Variants in WDR75 observed in about 807,000 individuals in gnomAD.
The protein encoded by WDR75 is WD repeat domain 75, also known as WD repeat-containing protein 75.
WDR75 carries 52 observed loss-of-function variants against 106.1 expected under a neutral mutation model. That is an observed-to-expected ratio of 0.49 (90% CI 0.39 to 0.62). The LOEUF (loss-of-function observed/expected upper bound fraction) is 0.62, where lower values mean the gene tolerates loss of function less well. Ranked by LOEUF, WDR75 falls within the 20% of genes least tolerant of loss-of-function variation. The probability of loss-of-function intolerance (pLI) is 0.00; values close to 1 mark genes in which losing one functional copy is unlikely to be tolerated. For synonymous variants in WDR75, 333 were observed against 335.5 expected, an observed-to-expected ratio of 0.99 and a Z score of 0.08; for missense variants, 905 against 970.3, an observed-to-expected ratio of 0.93 and a Z score of 0.89.
intron 8 of WDR75, among the ~76,000 whole-genome samples, chr2:189,460,723 T>A (rs1450206876): frequency 2.6e-5 from 4 of 151,994 alleles, no homozygotes; most frequent in Non-Finnish European, 5.9e-5. Flanking sequence ...CAGGCTGGTC[T>A]CAAACTCCTG....
chr2:189,459,547 G>A, intron 8 of WDR75, 123 bp downstream of exon 8: 1 of 903,044 alleles, frequency 1.1e-6, no homozygotes, highest in South Asian at 1.5e-5. Context: ...AAACACTTGT[G>A]TGTTACCCCT....
In WDR75 at chr2:189,451,844, C is replaced by A; in HGVS notation, c.322C>A (p.Leu108Ile). ...ATGTAAACTTCATGCCCTCTTTACT[C>A]TTGCCCAAGCTGAGGATTCTGTCTT... ...VGCKLHALFT[L>I]AQAEDSVFVI... The change falls in exon 4 of 21, where the codon CTT becomes ATT. Residue 108 changes from leucine to isoleucine, a missense_variant. By Grantham distance (5) the Leu-to-Ile change is conservative (BLOSUM62 2). Transcript: ENST00000314761. 1 of 1,613,814 alleles carries A rather than the reference C, an allele frequency of 6.2e-7. No individual in the cohort carries two copies. Among genetic ancestry groups the A allele is most frequent in the Non-Finnish European group, 8.5e-7 (1 of 1,179,918 alleles).
intron 3 of WDR75, among the ~76,000 whole-genome samples, chr2:189,451,344 A>C (rs932778879): frequency 6.6e-6 from 1 of 152,252 alleles, no homozygotes; most frequent in South Asian, 2.1e-4. Flanking sequence ...AATCTAAATT[A>C]AAACAAATGA....
chr2:189,464,396 A>T (rs10497701), intron 11 of WDR75, among the ~76,000 whole-genome samples: 21,606 of 152,106 alleles, frequency 0.14, 1,970 homozygotes, highest in South Asian at 0.21. Context: ...TCCAATCCAG[A>T]TGTCCCACTT....
chr2:189,449,126 A>C (rs1323939422), intron 2 of WDR75: 3 of 635,796 alleles, frequency 4.7e-6, no homozygotes, highest in African/African-American at 1.9e-5. Context: ...AGTATTTAAG[A>C]ATAATGAAAT....
At chr2:189,470,493 A>G (rs1350007976) in intron 17 of WDR75, among the ~76,000 whole-genome samples, 1 of 152,086 alleles carries the variant, frequency 6.6e-6, no homozygotes, top group Non-Finnish European at 1.5e-5. Context: ...AGCAGAAGAC[A>G]ACTAAAATAC....
chr2:189,454,944 C>G (rs1686701850), intron 4 of WDR75, among the ~76,000 whole-genome samples: 1 of 152,042 alleles, frequency 6.6e-6, no homozygotes, highest in South Asian at 2.1e-4. Flanking sequence ...TTCTAGAGTA[C>G]TGATTAGCAG....
At chr2:189,472,927 A>T (rs1260903428) in intron 18 of WDR75, among the ~76,000 whole-genome samples, 1 of 152,176 alleles carries the variant, frequency 6.6e-6, no homozygotes, top group Non-Finnish European at 1.5e-5. Flanking sequence ...GTTAAGAAAT[A>T]TCATAAGGAG....
intron 5 of WDR75, among the ~76,000 whole-genome samples, chr2:189,455,801 C>T (rs1445088095): frequency 6.6e-6 from 1 of 152,010 alleles, no homozygotes; most frequent in Non-Finnish European, 1.5e-5. Context: ...TATAATCTCA[C>T]CAGTGATAAT....
At chr2:189,444,007 A>G (rs1686442135) in intron 1 of WDR75, among the ~76,000 whole-genome samples, 1 of 152,194 alleles carries the variant, frequency 6.6e-6, no homozygotes, top group Non-Finnish European at 1.5e-5. Context: ...TATTAACTCT[A>G]AGGTACCTGT....
At chr2:189,469,247 G>T in intron 15 of WDR75, 97 bp from the exon 16 acceptor site, 1 of 892,726 alleles carries the variant, frequency 1.1e-6, no homozygotes. Context: ...GTGTTAGTTG[G>T]AAGCATAAGA....
chr2:189,444,478 T>A (rs934942810), intron 1 of WDR75, among the ~76,000 whole-genome samples: 2 of 152,206 alleles, frequency 1.3e-5, no homozygotes, highest in African/African-American at 4.8e-5. Context: ...CACAGTTATA[T>A]GGTGCTGTGA....
chr2:189,474,774 G>A lies in WDR75; in HGVS notation c.2254G>A (p.Val752Ile), dbSNP rs781355993. Reference protein sequence around the residue: ...PSAAFLCSMFVNSLLLSKETK... With the variant: ...PSAAFLCSMFINSLLLSKETK... ...TGCTGCTTTCCTGTGCTCCATGTTT[G>A]TAAATTCATTGCTGCTGTCTAAAGA... Residue 752 changes from valine (V) to isoleucine (I), a missense_variant, in exon 20 of 21, where the codon GTA becomes ATA. By Grantham distance (29) the Val-to-Ile change is conservative. Coordinates refer to ENST00000314761, the MANE Select transcript of WDR75 (RefSeq NM_032168.3). 3.1e-6 allele frequency: 5 copies of A among 1,614,050 alleles called. No homozygotes were observed. Among genetic ancestry groups the A allele is most frequent in the Non-Finnish European group, 4.2e-6 (5 of 1,179,958 alleles).
rs572636249 is a variant in WDR75 at position 189,468,194 on chromosome 2, CTG to C, written c.1629-279_1629-278del. Among the ~76,000 whole-genome samples, 92 of 152,228 alleles carry C rather than the reference CTG, an allele frequency of 6.0e-4. No homozygotes were observed. The East Asian group carries it at 0.016, about 26-fold the overall frequency. ...GGTAAATAGGATTTTTGTCAGATGA[CTG>C]TACGTTTCATGTACATTTTCTCTGT... On this transcript the variant is annotated intron_variant, in intron 14 of 20. Transcript: ENST00000314761.
chr2:189,454,046 A>G (rs1484203296), intron 4 of WDR75, among the ~76,000 whole-genome samples: 1 of 152,246 alleles, frequency 6.6e-6, no homozygotes, highest in Non-Finnish European at 1.5e-5. Context: ...AAGTCCCAGT[A>G]GTAAACTGAC....
In WDR75 at chr2:189,441,481, T is replaced by C. The variant is rs1240609630; in HGVS notation, c.-12T>C. ...CGGGACCAGAGATTGGCCATTCCGCTACTGCGCAAAGATGGTGGAGGAGGA... is the reference window on the plus strand; with the variant it reads ...CGGGACCAGAGATTGGCCATTCCGCCACTGCGCAAAGATGGTGGAGGAGGA... On this transcript the variant is annotated 5_prime_UTR_variant, in exon 1 of 21. Coordinates refer to ENST00000314761, the MANE Select transcript of WDR75 (RefSeq NM_032168.3). 2.6e-6 allele frequency: 4 copies of C among 1,557,202 alleles called. No homozygotes were observed. The highest frequency in any genetic ancestry group is 1.4e-5 in the African/African-American group (1 of 73,564).
intron 1 of WDR75, among the ~76,000 whole-genome samples, chr2:189,445,124 A>G (rs10755004): frequency 0.55 from 84,201 of 152,048 alleles, 25,584 homozygotes; most frequent in East Asian, 0.69. Context: ...TTTGCATGCA[A>G]TGTTTCACTT....
At chr2:189,452,477 GC>G (rs955331560) in intron 4 of WDR75, among the ~76,000 whole-genome samples, 3 of 151,698 alleles carry the variant, frequency 2.0e-5, no homozygotes, top group African/African-American at 7.3e-5. Flanking sequence ...CAGGAGAATG[GC>G]GTGAATCCAG....
In WDR75 at chr2:189,458,758, C is replaced by A; in HGVS notation, c.575C>A (p.Thr192Asn). 1 of 1,569,508 alleles carries A rather than the reference C, an allele frequency of 6.4e-7. No individual in the cohort carries two copies. Residue 192 changes from threonine (T) to asparagine (N), a missense_variant, in exon 7 of 21, where the codon ACT (threonine) becomes AAT (asparagine). Physicochemically the swap from Thr to Asn is moderately conservative, Grantham distance 65. Coordinates refer to ENST00000314761, the MANE Select transcript of WDR75 (RefSeq NM_032168.3). ...TTGTTTTTTTTTTCTCCTAGGTTTA[C>A]TTTATCATCATCAAGAAATAAGAAG... The part of the protein sequence containing the change: ...FFKKKTTSRF[T>N]LSSSRNKKHA...
Sources: gnomAD v4.1 joint callset for allele counts (sites outside exome capture counted in the v4.1 genomes callset) on GRCh38, gnomAD v4.1.1 for gene constraint, MANE v1.5 for transcripts, NCBI Gene and HGNC (gene_info 2026-07-23, HGNC 2026-07-21) for gene names.